The following AFF2 variants were observed in gnomAD, a reference collection of about 807,000 sequenced individuals.
AFF2 encodes AF4/FMR2 family member 2.
In AFF2, 14 loss-of-function variants were observed where a neutral mutation model predicts 76.9. The observed-to-expected ratio is 0.18, with a 90% CI of 0.12 to 0.28. The LOEUF is 0.28. AFF2 is among the 10% of genes least tolerant of loss of function. AFF2 has a pLI of 1.00. For missense variants in AFF2, 868 were observed against 1,001.1 expected (o/e 0.87, Z 1.79); for synonymous variants, 398 against 366.7 (o/e 1.09, Z -0.98).
intron 2 of AFF2, among the ~76,000 whole-genome samples, chrX:148,660,151 C>T (rs1557257549): frequency 8.9e-6 from 1 of 111,915 alleles, no homozygotes; most frequent in African/African-American, 3.3e-5. Flanking sequence ...ATTTATATTT[C>T]TCCTATTGCC....
chrX:148,951,895 C>T (rs1474830170), intron 9 of AFF2, among the ~76,000 whole-genome samples: 1 of 111,704 alleles, frequency 9.0e-6, no homozygotes, highest in Non-Finnish European at 1.9e-5. Flanking sequence ...TCCCTAATCT[C>T]TTGATGTACT....
intron 1 of AFF2, among the ~76,000 whole-genome samples, chrX:148,577,154 A>G (rs781932709): frequency 1.8e-5 from 2 of 112,067 alleles, no homozygotes; most frequent in Non-Finnish European, 3.8e-5. Context: ...GACAATTGCT[A>G]TTCATGAAAA....
chrX:148,565,356 CA>C (rs1268228041), intron 1 of AFF2, among the ~76,000 whole-genome samples: 1 of 111,082 alleles, frequency 9.0e-6, no homozygotes, highest in Non-Finnish European at 1.9e-5. Flanking sequence ...AATATTCCCC[CA>C]AAAGCATCAG....
chrX:148,613,866 C>T (rs114198742), intron 1 of AFF2, among the ~76,000 whole-genome samples: 106 of 112,198 alleles, frequency 9.4e-4, no homozygotes, highest in African/African-American at 3.3e-3. Flanking sequence ...TCCTGCTGCA[C>T]TCTGTATCTC....
At chrX:148,685,563 A>G (rs1173483486) in intron 3 of AFF2, among the ~76,000 whole-genome samples, 2 of 111,839 alleles carry the variant, frequency 1.8e-5, no homozygotes, top group African/African-American at 6.5e-5. Context: ...GACATTCCCA[A>G]ATTCTAGAAT....
intron 3 of AFF2, among the ~76,000 whole-genome samples, chrX:148,748,910 G>A (rs1221396195): frequency 8.9e-6 from 1 of 111,894 alleles, no homozygotes; most frequent in Non-Finnish European, 1.9e-5. Context: ...CAGATTGAGG[G>A]AATGGAGTTT....
intron 2 of AFF2, among the ~76,000 whole-genome samples, chrX:148,654,912 T>G (rs1403708169): frequency 1.8e-5 from 2 of 110,515 alleles, no homozygotes; most frequent in African/African-American, 6.6e-5. Context: ...ACTCAAAAGG[T>G]TTATTCTTAA....
intron 7 of AFF2, among the ~76,000 whole-genome samples, chrX:148,884,159 C>G (rs1395566798): frequency 1.8e-5 from 2 of 112,020 alleles, no homozygotes; most frequent in African/African-American, 6.5e-5. Context: ...AAAGAAATAC[C>G]AAGATACATT....
chrX:148,930,215 A>G (rs1363813894), intron 9 of AFF2, among the ~76,000 whole-genome samples: 2 of 112,360 alleles, frequency 1.8e-5, no homozygotes, highest in Non-Finnish European at 3.8e-5. Flanking sequence ...TTCTCATCAT[A>G]CAGTATCCAA....
chrX:148,909,280 G>A (rs1242806279), intron 9 of AFF2, among the ~76,000 whole-genome samples: 1 of 111,772 alleles, frequency 8.9e-6, no homozygotes, highest in African/African-American at 3.3e-5. Flanking sequence ...ACATATCTAG[G>A]GCATACTGCT....
At chrX:148,538,967 T>C (rs1298144337) in intron 1 of AFF2, among the ~76,000 whole-genome samples, 3 of 111,996 alleles carry the variant, frequency 2.7e-5, no homozygotes, top group Non-Finnish European at 5.6e-5. Context: ...TACTGTCAGT[T>C]ATGTTCCTTG....
intron 3 of AFF2, among the ~76,000 whole-genome samples, chrX:148,769,627 C>G (rs782095629): frequency 9.0e-6 from 1 of 110,995 alleles, no homozygotes; most frequent in African/African-American, 3.3e-5. Context: ...CTGTTTCGCT[C>G]TGGGGTCTTT....
intron 15 of AFF2, among the ~76,000 whole-genome samples, chrX:148,969,586 G>A (rs782615659): frequency 1.8e-5 from 2 of 112,241 alleles, no homozygotes; most frequent in South Asian, 7.4e-4. Context: ...GGTATGTTAA[G>A]AGTTGTTATA....
intron 1 of AFF2, among the ~76,000 whole-genome samples, chrX:148,640,100 C>A (rs1299338806): frequency 8.9e-6 from 1 of 112,590 alleles, no homozygotes; most frequent in Non-Finnish European, 1.9e-5. Context: ...TTAAAAATAG[C>A]TTGCCTAGAA....
At chrX:148,521,373 T>TACACACACACACACACACACAC (rs1569550690) in intron 1 of AFF2, among the ~76,000 whole-genome samples, 3 of 56,075 alleles carry the variant, frequency 5.3e-5, no homozygotes, top group African/African-American at 2.5e-4. Flanking sequence ...AGCACGTGCA[T>TACACACACACACACACACACAC]GCACACACAC....
intron 1 of AFF2, among the ~76,000 whole-genome samples, chrX:148,650,769 T>G (rs911074174): frequency 8.9e-6 from 1 of 112,125 alleles, no homozygotes; most frequent in East Asian, 2.8e-4. Flanking sequence ...CTAGGTTCTT[T>G]GAGCAAACTA....
Position 148,762,150 on chromosome X carries a change from G to A in AFF2, c.1042-47726G>A, listed in dbSNP as rs560621476. On this transcript the variant is annotated intron_variant, in intron 3 of 20. Transcript: ENST00000370460. ...CTGTGATTTTGGTGCACCCATCACCGAGCAGTGTACACTGTACCCAATGTG... is the reference window on the plus strand; with the variant it reads ...CTGTGATTTTGGTGCACCCATCACCAAGCAGTGTACACTGTACCCAATGTG... Among the ~76,000 whole-genome samples the A allele has an allele frequency of 7.3e-5, 8 of 109,822 alleles. No homozygotes were observed. The South Asian group carries it at 2.7e-3, about 38-fold the overall frequency.
chrX:148,826,378 C>G (rs2070388604), intron 4 of AFF2, among the ~76,000 whole-genome samples: 1 of 108,531 alleles, frequency 9.2e-6, no homozygotes, highest in Non-Finnish European at 1.9e-5. Flanking sequence ...TGATTGTTAC[C>G]TTTTAATTAA....
intron 3 of AFF2, among the ~76,000 whole-genome samples, chrX:148,731,175 G>A (rs782236289): frequency 2.7e-5 from 3 of 112,043 alleles, no homozygotes; most frequent in African/African-American, 6.5e-5. Context: ...TCTGCTGCAC[G>A]TGTCCACACC....
Sources: allele counts gnomAD v4.1 joint callset (sites outside exome capture counted in the v4.1 genomes callset), GRCh38; gene constraint gnomAD v4.1.1; transcripts MANE v1.5; gene names NCBI Gene and HGNC (gene_info 2026-07-23, HGNC 2026-07-21).